The following OR2L13 variants were observed in gnomAD, a reference collection of about 807,000 sequenced individuals.
OR2L13 encodes olfactory receptor 2L13.
OR2L13 carries 14 observed loss-of-function variants against 15.3 expected under a neutral mutation model. The ratio of observed to expected loss-of-function variants is 0.91; its 90% CI spans 0.60 to 1.43. OR2L13 has a LOEUF of 1.43. OR2L13 is among the 40% of genes most tolerant of loss of function. The pLI is 0.00. For synonymous variants in OR2L13, 152 were observed against 142.9 expected (o/e 1.06, Z -0.45); for missense variants, 367 against 387.9 (o/e 0.95, Z 0.45).
the OR2L13 span, among the ~76,000 whole-genome samples, chr1:247,986,544 G>C: frequency 1.3e-5 from 2 of 152,138 alleles, no homozygotes; most frequent in African/African-American, 4.8e-5. Context: ...GTCAGGTAGT[G>C]TGATGCCTCC....
the OR2L13 span, among the ~76,000 whole-genome samples, chr1:248,075,667 G>A: frequency 6.6e-6 from 1 of 152,162 alleles, no homozygotes; most frequent in Non-Finnish European, 1.5e-5. Context: ...AGAAGTGTCT[G>A]TTCATATCCT....
the OR2L13 span, among the ~76,000 whole-genome samples, chr1:247,986,169 C>A: frequency 2.7e-5 from 4 of 147,984 alleles, no homozygotes; most frequent in African/African-American, 1.1e-4. Context: ...GTGTTTTAGA[C>A]ATGAAGTCCT....
the OR2L13 span, among the ~76,000 whole-genome samples, chr1:247,993,664 A>AAAAGTAG: frequency 6.6e-6 from 1 of 151,930 alleles, no homozygotes; most frequent in Non-Finnish European, 1.5e-5. Context: ...GGGAGGTGAA[A>AAAAGTAG]AAAGTAGATA....
chr1:247,982,066 C>T, the OR2L13 span, among the ~76,000 whole-genome samples: 1 of 152,150 alleles, frequency 6.6e-6, no homozygotes, highest in South Asian at 2.1e-4. Context: ...CCATCCGCCT[C>T]GGCCTCCCAA....
the OR2L13 span, among the ~76,000 whole-genome samples, chr1:248,078,269 T>G: frequency 1.3e-5 from 2 of 151,888 alleles, no homozygotes. Flanking sequence ...GATCACGAGG[T>G]CAGGAGATCG....
the OR2L13 span, chr1:248,045,703 C>T: frequency 6.6e-6 from 1 of 152,204 alleles, no homozygotes; most frequent in African/African-American, 2.4e-5. Context: ...CTTTGACTTT[C>T]AGGAAATTGT....
At chr1:247,965,423 G>A in the OR2L13 span, 2,222 of 1,612,996 alleles carry the variant, frequency 1.4e-3, 26 homozygotes, top group African/African-American at 0.023. Context: ...CTACTTGTTG[G>A]TCTTTTCCAA....
At chr1:247,970,552 A>G in the OR2L13 span, among the ~76,000 whole-genome samples, 5 of 152,262 alleles carry the variant, frequency 3.3e-5, no homozygotes, top group Admixed American at 6.5e-5. Flanking sequence ...ATCATATTCA[A>G]TAGTACCAAG....
At chr1:248,085,450 A>G in the OR2L13 span, among the ~76,000 whole-genome samples, 2 of 134,086 alleles carry the variant, frequency 1.5e-5, no homozygotes, top group African/African-American at 3.0e-5. Context: ...AAAATAAAAA[A>G]ATGTGTGCAG....
At chr1:248,061,568 T>A in the OR2L13 span, 4 of 1,613,296 alleles carry the variant, frequency 2.5e-6, no homozygotes, top group South Asian at 1.1e-5. Context: ...AACAAGGAGG[T>A]GATGGGGGCC....
chr1:247,967,956 TCTC>T, the OR2L13 span, among the ~76,000 whole-genome samples: 3 of 151,884 alleles, frequency 2.0e-5, no homozygotes, highest in African/African-American at 4.8e-5. Context: ...TTTTTCTCCT[TCTC>T]CTCATCCTCC....
At chr1:248,047,120 T>G in the OR2L13 span, among the ~76,000 whole-genome samples, 6,526 of 152,210 alleles carry the variant, frequency 0.043, 458 homozygotes, top group African/African-American at 0.15. Context: ...GATGGTCAAT[T>G]GAAGAGACAG....
the OR2L13 span, among the ~76,000 whole-genome samples, chr1:247,956,233 T>A: frequency 1.3e-5 from 2 of 152,170 alleles, no homozygotes; most frequent in Non-Finnish European, 2.9e-5. Flanking sequence ...TTGTCAGGAT[T>A]GTCAAAGATC....
chr1:247,950,585 C>T, the OR2L13 span, among the ~76,000 whole-genome samples: 1 of 152,158 alleles, frequency 6.6e-6, no homozygotes. Flanking sequence ...ATTGAAGAGA[C>T]TGTCAGTTTC....
chr1:248,026,468 G>A, the OR2L13 span, among the ~76,000 whole-genome samples: 2 of 152,200 alleles, frequency 1.3e-5, no homozygotes, highest in African/African-American at 2.4e-5. Flanking sequence ...AACTGGAAAT[G>A]ATTATGTTGC....
At chr1:248,070,964 T>C in the OR2L13 span, among the ~76,000 whole-genome samples, 2 of 152,192 alleles carry the variant, frequency 1.3e-5, no homozygotes, top group African/African-American at 2.4e-5. Context: ...TAACAGGCTC[T>C]GAAATTGTGG....
the OR2L13 span, among the ~76,000 whole-genome samples, chr1:247,952,639 A>G: frequency 6.6e-6 from 1 of 152,176 alleles, no homozygotes; most frequent in African/African-American, 2.4e-5. Flanking sequence ...TCTGTTGTTT[A>G]TAGGTTACCA....
the OR2L13 span, chr1:247,991,152 G>A: frequency 3.1e-6 from 5 of 1,606,466 alleles, no homozygotes; most frequent in Non-Finnish European, 4.3e-6. Context: ...GAAACAAGGA[G>A]GTGATGGGGG....
chr1:248,042,640 A>G, the OR2L13 span, among the ~76,000 whole-genome samples: 1 of 152,214 alleles, frequency 6.6e-6, no homozygotes, highest in African/African-American at 2.4e-5. Flanking sequence ...AGACCATCAC[A>G]TGTCACATAA....
Sources: gnomAD v4.1 joint callset for allele counts (sites outside exome capture counted in the v4.1 genomes callset) on GRCh38, gnomAD v4.1.1 for gene constraint, MANE v1.5 for transcripts, NCBI Gene and HGNC (gene_info 2026-07-23, HGNC 2026-07-21) for gene names.